OSBPL5: variants seen among roughly 807,000 people sequenced by gnomAD.
OSBPL5 encodes oxysterol binding protein like 5, also known as oxysterol-binding protein-related protein 5.
Under a neutral mutation model 111.2 loss-of-function variants are expected in OSBPL5, and 71 were observed. That is an observed-to-expected ratio of 0.64 (90% CI 0.53 to 0.78). OSBPL5 has a LOEUF of 0.78. OSBPL5 is among the 30% of genes least tolerant of loss of function. OSBPL5 has a pLI of 0.00. For missense variants in OSBPL5, 1,210 were observed against 1,189.3 expected, an observed-to-expected ratio of 1.02 and a Z score of -0.26; for synonymous variants, 549 against 513.9, an observed-to-expected ratio of 1.07 and a Z score of -0.93.
At chr11:3,127,249 G>A (rs2134470740) in intron 2 of OSBPL5, among the ~76,000 whole-genome samples, 1 of 152,334 alleles carries the variant, frequency 6.6e-6, no homozygotes, top group South Asian at 2.1e-4. Context: ...GGTGGGCGAG[G>A]GTTGACTGCC....
Position 3,107,447 on chromosome 11 carries a change from C to T in OSBPL5, c.875G>A (p.Gly292Glu). 1.2e-6 allele frequency: 2 copies of T among 1,614,006 alleles called. No homozygotes were observed. Among genetic ancestry groups the T allele is most frequent in the Non-Finnish European group, 1.7e-6 (2 of 1,179,962 alleles). The change falls in exon 9 of 22, where the codon GGG becomes GAG. Residue 292 changes from glycine to glutamate, a missense_variant. Gly to Glu is a moderately conservative substitution (Grantham distance 98, BLOSUM62 -2). Transcript: ENST00000263650. The surrounding 1 kb of genome is among the most constrained non-coding windows in gnomAD (Gnocchi z 6.1). ...HPDQDLFPLN[G>E]SSLENDAFSD... ...GAATGCATCGTTCTCCAGGGAAGACCCGTTCAGTCTGGAAGGTGGATGGTG... is the reference window on the plus strand; with the variant it reads ...GAATGCATCGTTCTCCAGGGAAGACTCGTTCAGTCTGGAAGGTGGATGGTG...
Position 3,154,504 on chromosome 11 carries a change from G to A in OSBPL5, c.-22+10712C>T, listed in dbSNP as rs76011847. Among the ~76,000 whole-genome samples, 12 of 152,354 alleles carry A rather than the reference G, an allele frequency of 7.9e-5. No individual in the cohort carries two copies. In the South Asian group the frequency reaches 1.7e-3, roughly 21 times the overall value. ...GCTGAGCCAGGCCTCTTGGGAAGGC[G>A]TAAAACAGTCAAGATTCAAGCAGGT... is the stretch of plus-strand genomic sequence containing the variant. On this transcript the variant is annotated intron_variant, in intron 1 of 21. Transcript: ENST00000263650. This position sits in a 1 kb window ranked among gnomAD's most constrained non-coding sequence, Gnocchi z 4.9.
chr11:3,127,235 G>A (rs1858658545), intron 2 of OSBPL5, among the ~76,000 whole-genome samples: 1 of 152,262 alleles, frequency 6.6e-6, no homozygotes, highest in Non-Finnish European at 1.5e-5. Context: ...TGCTTCCTGT[G>A]GCTGGTGGGC....
intron 1 of OSBPL5, among the ~76,000 whole-genome samples, chr11:3,133,015 C>T (rs576977436): frequency 6.6e-6 from 1 of 152,300 alleles, no homozygotes; most frequent in Non-Finnish European, 1.5e-5. Flanking sequence ...CTGCCTGCCT[C>T]CCCACTGTTC....
At chr11:3,159,987 C>A (rs547813651) in intron 1 of OSBPL5, among the ~76,000 whole-genome samples, 30 of 152,278 alleles carry the variant, frequency 2.0e-4, no homozygotes, top group Admixed American at 1.8e-3. Flanking sequence ...TGATCAGATC[C>A]GAGGCGGTGC....
Position 3,093,537 on chromosome 11 carries a change from C to G in OSBPL5, c.1936G>C (p.Glu646Gln), listed in dbSNP as rs1857139404. 3 of 1,609,546 alleles carry G rather than the reference C, an allele frequency of 1.9e-6. No individual in the cohort carries two copies. The highest frequency in any genetic ancestry group is 2.2e-5 in the South Asian group (2 of 91,080). Residue 646 changes from glutamate (E) to glutamine (Q), a missense_variant, in exon 17 of 22, where the codon GAG (glutamate) becomes CAG (glutamine). By Grantham distance (29) the Glu-to-Gln change is conservative. Coordinates refer to ENST00000263650, the MANE Select transcript of OSBPL5 (RefSeq NM_020896.4). ...TVPLEEQTEL[E>Q]SERLWQHVTR... ...GCTGACAGGCCTCACCTCTCGGACT[C>G]CAGCTCCGTCTGCTCCTCCAGCGGC...
Position 3,093,512 on chromosome 11 carries a change from GC to G in OSBPL5, c.1946+14del, listed in dbSNP as rs1564821777. On this transcript the variant is annotated intron_variant, in intron 17 of 21. Coordinates refer to ENST00000263650, the MANE Select transcript of OSBPL5 (RefSeq NM_020896.4). ...GCTGTGGTCAGCAGGGTCCCTGGGC[GC>G]TGACAGGCCTCACCTCTCGGACTCC... is the stretch of plus-strand genomic sequence containing the variant. The G allele has an allele frequency of 6.2e-7, 1 of 1,603,870 alleles. No homozygotes were observed. Among genetic ancestry groups the G allele is most frequent in the East Asian group, 2.2e-5 (1 of 44,800 alleles).
At chr11:3,153,079 C>T (rs558436871) in intron 1 of OSBPL5, among the ~76,000 whole-genome samples, 1 of 152,016 alleles carries the variant, frequency 6.6e-6, no homozygotes, top group East Asian at 1.9e-4. Flanking sequence ...GCAACATCCC[C>T]CAGGCGCCAG....
chr11:3,156,790 G>T (rs1028850489), intron 1 of OSBPL5, among the ~76,000 whole-genome samples: 1 of 152,248 alleles, frequency 6.6e-6, no homozygotes, highest in Non-Finnish European at 1.5e-5. Context: ...CACAGGCCGA[G>T]GGCCGGCACC....
intron 1 of OSBPL5, among the ~76,000 whole-genome samples, chr11:3,152,532 C>T (rs111488069): frequency 8.1e-4 from 123 of 152,266 alleles, no homozygotes; most frequent in African/African-American, 2.9e-3. Context: ...TGGTTTTCAC[C>T]AGGTCCCCTT....
At chr11:3,135,589 C>A (rs113077313) in intron 1 of OSBPL5, among the ~76,000 whole-genome samples, 297 of 152,308 alleles carry the variant, frequency 1.9e-3, no homozygotes, top group African/African-American at 6.7e-3. Context: ...CCTGCCTGTG[C>A]CCAAAGCTGC....
intron 1 of OSBPL5, among the ~76,000 whole-genome samples, chr11:3,160,166 G>A (rs988531337): frequency 1.3e-5 from 2 of 152,182 alleles, no homozygotes; most frequent in African/African-American, 4.8e-5. Context: ...GGGTGGGGGT[G>A]AGGTTCATCC....
intron 1 of OSBPL5, among the ~76,000 whole-genome samples, chr11:3,136,200 G>A (rs939295285): frequency 6.6e-6 from 1 of 152,164 alleles, no homozygotes; most frequent in African/African-American, 2.4e-5. Context: ...AGGCCCAATG[G>A]GGGCCCCACC....
intron 21 of OSBPL5, 64 bp downstream of exon 21, chr11:3,089,782 G>T: frequency 1.4e-6 from 2 of 1,470,182 alleles, no homozygotes; most frequent in Non-Finnish European, 1.9e-6. Flanking sequence ...TCCCGCCCTA[G>T]CTCTACCAGG....
intron 2 of OSBPL5, among the ~76,000 whole-genome samples, chr11:3,128,636 G>A (rs1189560197): frequency 6.6e-6 from 1 of 152,170 alleles, no homozygotes; most frequent in Non-Finnish European, 1.5e-5. Flanking sequence ...GTCAACTGAG[G>A]CCTAGAGAGG....
chr11:3,102,436 C>T (rs1475218902), intron 11 of OSBPL5, among the ~76,000 whole-genome samples, 155 bp from the exon 12 acceptor site: 1 of 152,210 alleles, frequency 6.6e-6, no homozygotes, highest in Non-Finnish European at 1.5e-5. Flanking sequence ...CACCTCACTT[C>T]TGCTTTGCGG....
chr11:3,133,401 C>G (rs1374695724), intron 1 of OSBPL5, among the ~76,000 whole-genome samples: 2 of 152,248 alleles, frequency 1.3e-5, no homozygotes, highest in Admixed American at 1.3e-4. Context: ...TGCAAAAGGC[C>G]TGTTATCGCC....
chr11:3,136,559 G>A (rs1043436676), intron 1 of OSBPL5, among the ~76,000 whole-genome samples: 4 of 152,256 alleles, frequency 2.6e-5, no homozygotes, highest in African/African-American at 9.6e-5. Flanking sequence ...CTGGGGAAAA[G>A]GGCCCAGCCA....
At chr11:3,129,218 G>A in intron 1 of OSBPL5, 49 bp from the exon 2 acceptor site, 3 of 1,352,880 alleles carry the variant, frequency 2.2e-6, no homozygotes, top group Non-Finnish European at 2.9e-6. Context: ...CCCGGAAGGG[G>A]CTTCAGAGCC....
Sources: allele counts gnomAD v4.1 joint callset (sites outside exome capture counted in the v4.1 genomes callset), GRCh38; gene constraint gnomAD v4.1.1; non-coding constraint Gnocchi (gnomAD v3.1); transcripts MANE v1.5; gene names NCBI Gene and HGNC (gene_info 2026-07-23, HGNC 2026-07-21).